Variants in NEGR1 observed in about 807,000 individuals in gnomAD.
NEGR1 encodes IgLON family member 4.
A neutral mutation model predicts 40.9 loss-of-function variants in NEGR1; 10 were observed. The observed-to-expected ratio is 0.24, with a 90% CI of 0.15 to 0.42. The LOEUF is 0.42. Ranked by LOEUF, NEGR1 falls within the 10% of genes least tolerant of loss-of-function variation. The probability of loss-of-function intolerance (pLI) is 1.00; values close to 1 mark genes in which losing one functional copy is unlikely to be tolerated. For synonymous variants in NEGR1, 185 were observed against 166.8 expected (o/e 1.11, Z -0.84); for missense variants, 352 against 438.9 (o/e 0.80, Z 1.77).
chr1:71,992,114 T>C (rs760202069), intron 1 of NEGR1, among the ~76,000 whole-genome samples: 1 of 152,098 alleles, frequency 6.6e-6, no homozygotes, highest in Non-Finnish European at 1.5e-5. Flanking sequence ...CTATTAAATA[T>C]ATAACATCAT....
chr1:71,723,815 T>TA (rs1395717572), intron 3 of NEGR1, among the ~76,000 whole-genome samples: 1 of 152,090 alleles, frequency 6.6e-6, no homozygotes, highest in Non-Finnish European at 1.5e-5. Flanking sequence ...CTCGGATTTG[T>TA]AATTGGTGTG....
At chr1:72,263,747 CA>C (rs1230534556) in intron 1 of NEGR1, among the ~76,000 whole-genome samples, 1 of 151,090 alleles carries the variant, frequency 6.6e-6, no homozygotes, top group Non-Finnish European at 1.5e-5. Flanking sequence ...CACACACACA[CA>C]AAAAAACTCT....
intron 6 of NEGR1, among the ~76,000 whole-genome samples, chr1:71,539,827 T>C (rs1647632850): frequency 6.6e-6 from 1 of 151,696 alleles, no homozygotes; most frequent in Non-Finnish European, 1.5e-5. Context: ...TCGTTTGTAG[T>C]AAAAAAGAAG....
intron 6 of NEGR1, among the ~76,000 whole-genome samples, chr1:71,529,845 T>C (rs1197525973): frequency 1.3e-5 from 2 of 151,210 alleles, no homozygotes; most frequent in Admixed American, 6.6e-5. Context: ...AGAATAGTTT[T>C]CTTTCATTCT....
chr1:71,925,879 A>G (rs1179876783), intron 2 of NEGR1, among the ~76,000 whole-genome samples: 1 of 152,124 alleles, frequency 6.6e-6, no homozygotes, highest in Non-Finnish European at 1.5e-5. Flanking sequence ...TTATAGAGAG[A>G]TTTTCATAGT....
At chr1:71,816,550 T>A (rs1570387290) in intron 2 of NEGR1, among the ~76,000 whole-genome samples, 1 of 151,972 alleles carries the variant, frequency 6.6e-6, no homozygotes, top group East Asian at 2.0e-4. Flanking sequence ...TCATGAAACT[T>A]ATTTACTATC....
At chr1:71,583,463 G>A (rs1649198781) in intron 6 of NEGR1, among the ~76,000 whole-genome samples, 1 of 152,140 alleles carries the variant, frequency 6.6e-6, no homozygotes, top group African/African-American at 2.4e-5. Flanking sequence ...ATGCTAGCCT[G>A]AGAGAAATAA....
At chr1:71,868,570 C>T (rs928518976) in intron 2 of NEGR1, among the ~76,000 whole-genome samples, 1 of 152,008 alleles carries the variant, frequency 6.6e-6, no homozygotes, top group Non-Finnish European at 1.5e-5. Context: ...AACTTGCAAG[C>T]TGTTCATACA....
At chr1:71,904,604 T>C (rs1025195937) in intron 2 of NEGR1, among the ~76,000 whole-genome samples, 5 of 152,120 alleles carry the variant, frequency 3.3e-5, no homozygotes, top group African/African-American at 7.2e-5. Context: ...AAGAGAAAGT[T>C]TGTCTTCATA....
intron 5 of NEGR1, among the ~76,000 whole-genome samples, chr1:71,601,692 T>C (rs1649923424): frequency 6.6e-6 from 1 of 152,086 alleles, no homozygotes; most frequent in African/African-American, 2.4e-5. Flanking sequence ...TTATCCTAAG[T>C]GAAATAACTC....
chr1:71,564,952 T>C (rs1372519872), intron 6 of NEGR1, among the ~76,000 whole-genome samples: 2 of 152,132 alleles, frequency 1.3e-5, no homozygotes, highest in African/African-American at 4.8e-5. Flanking sequence ...TTCTACTATG[T>C]ATCATACTGC....
chr1:71,567,001 G>A (rs994464801), intron 6 of NEGR1, among the ~76,000 whole-genome samples: 8 of 152,062 alleles, frequency 5.3e-5, no homozygotes, highest in African/African-American at 1.2e-4. Context: ...TCCTAATACC[G>A]TCACCTTGGG....
chr1:71,656,315 C>T (rs940126857), intron 4 of NEGR1, among the ~76,000 whole-genome samples: 3 of 152,130 alleles, frequency 2.0e-5, no homozygotes, highest in Non-Finnish European at 4.4e-5. Context: ...GGAAAGAATC[C>T]CTTAACATTT....
intron 1 of NEGR1, among the ~76,000 whole-genome samples, chr1:72,104,884 A>C (rs1386676072): frequency 5.3e-5 from 8 of 152,188 alleles, no homozygotes; most frequent in Admixed American, 4.6e-4. Context: ...TAACTCTAAA[A>C]GTAGAAAGAA....
At chr1:72,160,794 C>A (rs193113266) in intron 1 of NEGR1, among the ~76,000 whole-genome samples, 2 of 152,070 alleles carry the variant, frequency 1.3e-5, no homozygotes, top group Non-Finnish European at 2.9e-5. Flanking sequence ...TTTAAGATTA[C>A]CTGAAGGTAG....
chr1:71,597,399 G>T (rs1649746363), intron 5 of NEGR1, among the ~76,000 whole-genome samples: 1 of 141,548 alleles, frequency 7.1e-6, no homozygotes, highest in Non-Finnish European at 1.5e-5. Context: ...CTTTCTCAAG[G>T]ATGGAGTTTT....
At chr1:71,717,896 A>G (rs1654331475) in intron 3 of NEGR1, among the ~76,000 whole-genome samples, 1 of 152,180 alleles carries the variant, frequency 6.6e-6, no homozygotes, top group African/African-American at 2.4e-5. Context: ...GCAAACAGCT[A>G]TCTACAAGTC....
At chr1:71,608,561 A>C (rs903654127) in intron 5 of NEGR1, among the ~76,000 whole-genome samples, 7 of 152,046 alleles carry the variant, frequency 4.6e-5, no homozygotes, top group African/African-American at 1.7e-4. Context: ...CAGAAAAAAA[A>C]AATCCAGGAC....
chr1:71,875,208 T>C (rs1660390870), intron 2 of NEGR1, among the ~76,000 whole-genome samples: 1 of 152,170 alleles, frequency 6.6e-6, no homozygotes, highest in Admixed American at 6.6e-5. Context: ...ATAAATAAAA[T>C]GATACACCTT....
Sources: allele counts gnomAD v4.1 joint callset (sites outside exome capture counted in the v4.1 genomes callset), GRCh38; gene constraint gnomAD v4.1.1; transcripts MANE v1.5; gene names NCBI Gene and HGNC (gene_info 2026-07-23, HGNC 2026-07-21).